RANBP17: variants seen among roughly 807,000 people sequenced by gnomAD.
RANBP17 encodes RAN binding protein 17.
A neutral mutation model predicts 141.2 loss-of-function variants in RANBP17; 158 were observed. The observed-to-expected ratio is 1.12, with a 90% CI of 0.98 to 1.28. The LOEUF (loss-of-function observed/expected upper bound fraction) is 1.28, where lower values mean the gene tolerates loss of function less well. Among genes scored for constraint, RANBP17 ranks in the 50% most tolerant of loss-of-function variants. RANBP17 has a pLI of 0.00. For missense variants in RANBP17, 1,438 were observed against 1,290.7 expected (o/e 1.11, Z -1.75); for synonymous variants, 430 against 450.0 (o/e 0.96, Z 0.56).
chr5:170,960,009 A>G (rs1366291458), intron 13 of RANBP17, among the ~76,000 whole-genome samples: 2 of 152,160 alleles, frequency 1.3e-5, no homozygotes, highest in African/African-American at 4.8e-5. Context: ...GTCTTTTTCA[A>G]AGAGGGCTCC....
At chr5:171,259,415 T>C (rs1766137116) in intron 24 of RANBP17, among the ~76,000 whole-genome samples, 1 of 152,160 alleles carries the variant, frequency 6.6e-6, no homozygotes, top group Admixed American at 6.5e-5. Context: ...ACTGCCTCAC[T>C]CAAATGTTTA....
chr5:171,252,249 AG>A, intron 24 of RANBP17: 1 of 1,574,224 alleles, frequency 6.4e-7, no homozygotes, highest in Non-Finnish European at 8.7e-7. Context: ...AGAGAAAGCA[AG>A]AAAAACAAAA....
In RANBP17 at chr5:170,951,379, A is replaced by G. The variant is rs575818420; in HGVS notation, c.1469-2218A>G. On this transcript the variant is annotated intron_variant, in intron 12 of 27. Transcript: ENST00000523189. The stretch of plus-strand genomic sequence containing the variant: ...TGGTGTATCAATAAAAATAAATAAG[A>G]TCTATACAAACAATGGAATGTTATT... Among the ~76,000 whole-genome samples, 3 of 152,224 alleles carry G rather than the reference A, an allele frequency of 2.0e-5. No individual in the cohort carries two copies. The East Asian group carries it at 5.8e-4, about 29-fold the overall frequency.
intron 25 of RANBP17, among the ~76,000 whole-genome samples, chr5:171,286,495 A>G (rs1170398767): frequency 6.6e-6 from 1 of 152,168 alleles, no homozygotes; most frequent in East Asian, 1.9e-4. Flanking sequence ...TGTTATTTTT[A>G]TATATAGATA....
chr5:171,262,910 G>A (rs1008247432), intron 24 of RANBP17, among the ~76,000 whole-genome samples: 1 of 152,078 alleles, frequency 6.6e-6, no homozygotes, highest in African/African-American at 2.4e-5. Context: ...ATTTTCCTCT[G>A]TGTTAAATGC....
At chr5:171,210,199 G>A (rs941375597) in intron 20 of RANBP17, among the ~76,000 whole-genome samples, 1 of 152,054 alleles carries the variant, frequency 6.6e-6, no homozygotes, top group Admixed American at 6.6e-5. Context: ...TCCTCACAAG[G>A]CCATTGGAAA....
rs1581082973 is a variant in RANBP17 at position 171,233,186 on chromosome 5, G to A, written c.2423-7742G>A. Among the ~76,000 whole-genome samples, 3 of 151,984 alleles carry A rather than the reference G, an allele frequency of 2.0e-5. No individual in the cohort carries two copies. The East Asian group carries it at 5.8e-4, about 29-fold the overall frequency. On this transcript the variant is annotated intron_variant, in intron 22 of 27. Coordinates refer to ENST00000523189, the MANE Select transcript of RANBP17 (RefSeq NM_022897.5). ...GACCCCGTCTCTATAAAAAAAATTA[G>A]AAAAGTAAAAGAAGGTAATAAGTGC...
intron 24 of RANBP17, among the ~76,000 whole-genome samples, chr5:171,251,541 G>GAA (rs75734200): frequency 7.4e-5 from 9 of 120,874 alleles, no homozygotes; most frequent in East Asian, 2.6e-4. Context: ...AATTATAGTG[G>GAA]AAAAAAAAAA....
chr5:171,190,904 T>C (rs1012812495), intron 18 of RANBP17, among the ~76,000 whole-genome samples: 11 of 152,286 alleles, frequency 7.2e-5, no homozygotes, highest in Admixed American at 7.2e-4. Flanking sequence ...GATTTTTCCT[T>C]GGACATTTCA....
At chr5:171,294,222 C>T (rs1768681596) in intron 26 of RANBP17, among the ~76,000 whole-genome samples, 1 of 152,178 alleles carries the variant, frequency 6.6e-6, no homozygotes, top group African/African-American at 2.4e-5. Flanking sequence ...CCCCACTCAC[C>T]AGGTGGGTGG....
At chr5:171,140,344 A>T (rs989884807) in intron 14 of RANBP17, among the ~76,000 whole-genome samples, 3 of 152,348 alleles carry the variant, frequency 2.0e-5, no homozygotes, top group Admixed American at 2.0e-4. Context: ...TACTCAACAC[A>T]TATTGGAATA....
chr5:170,885,068 C>T (rs184636226), intron 3 of RANBP17, among the ~76,000 whole-genome samples: 2 of 151,930 alleles, frequency 1.3e-5, no homozygotes, highest in South Asian at 2.1e-4. Context: ...TTAGAGTTGA[C>T]GTTAGTAAAT....
chr5:171,022,155 A>G (rs543174193), intron 14 of RANBP17, among the ~76,000 whole-genome samples: 3 of 152,250 alleles, frequency 2.0e-5, no homozygotes, highest in Admixed American at 6.5e-5. Flanking sequence ...GGAGAACAGG[A>G]AAGATGGGTC....
intron 14 of RANBP17, 162 bp downstream of exon 14, chr5:170,968,539 T>G: frequency 1.4e-6 from 1 of 703,224 alleles, no homozygotes. Context: ...AGTTGCTTGT[T>G]TTATACCTAG....
intron 22 of RANBP17, among the ~76,000 whole-genome samples, chr5:171,223,502 G>A (rs1255938836): frequency 1.3e-5 from 2 of 152,146 alleles, no homozygotes; most frequent in Non-Finnish European, 2.9e-5. Flanking sequence ...AGGCGTGGTG[G>A]CGGGCACCTG....
intron 14 of RANBP17, among the ~76,000 whole-genome samples, chr5:171,150,881 C>T (rs912273173): frequency 1.3e-5 from 2 of 152,134 alleles, no homozygotes; most frequent in African/African-American, 2.4e-5. Context: ...TGTCTGCAGA[C>T]GTTTTGTTCC....
intron 20 of RANBP17, 101 bp from the exon 21 acceptor site, chr5:171,213,530 C>A: frequency 2.5e-6 from 2 of 814,884 alleles, no homozygotes; most frequent in South Asian, 1.6e-5. Flanking sequence ...AAATATAGAA[C>A]AAATGTGGAT....
At chr5:171,192,477 A>G (rs781358356) in intron 18 of RANBP17, among the ~76,000 whole-genome samples, 1 of 152,182 alleles carries the variant, frequency 6.6e-6, no homozygotes, top group Non-Finnish European at 1.5e-5. Flanking sequence ...TGCAGTGGGC[A>G]GTGTATTTTT....
chr5:171,218,854 A>G (rs1053893744), intron 21 of RANBP17, among the ~76,000 whole-genome samples: 1 of 151,852 alleles, frequency 6.6e-6, no homozygotes, highest in East Asian at 1.9e-4. Context: ...CTCTTTATCC[A>G]AGTTGCCTTC....
Sources: gnomAD v4.1 joint callset for allele counts (sites outside exome capture counted in the v4.1 genomes callset) on GRCh38, gnomAD v4.1.1 for gene constraint, MANE v1.5 for transcripts, NCBI Gene and HGNC (gene_info 2026-07-23, HGNC 2026-07-21) for gene names.